The following TLN2 variants were observed in gnomAD, a reference collection of about 807,000 sequenced individuals.
TLN2 encodes talin 2, also known as talin-2.
Under a neutral mutation model 294.7 loss-of-function variants are expected in TLN2, and 118 were observed. The observed-to-expected ratio is 0.40, with a 90% confidence interval of 0.34 to 0.47. The LOEUF (loss-of-function observed/expected upper bound fraction) is 0.47. TLN2 is among the 20% of genes least tolerant of loss of function. The pLI, the probability that TLN2 is intolerant of heterozygous loss-of-function variation, is 0.84. For missense variants in TLN2, 3,083 were observed against 3,282.2 expected, an observed-to-expected ratio of 0.94 and a Z score of 1.48; for synonymous variants, 1,431 against 1,304.5, an observed-to-expected ratio of 1.10 and a Z score of -2.09.
At chr15:62,550,039 A>G (rs2042209866) in intron 1 of TLN2, among the ~76,000 whole-genome samples, 1 of 152,114 alleles carries the variant, frequency 6.6e-6, no homozygotes, top group African/African-American at 2.4e-5. Context: ...CTGGGGTAAG[A>G]ATTCAGGTAT....
chr15:62,570,618 A>G, intron 1 of TLN2, among the ~76,000 whole-genome samples: 1 of 151,958 alleles, frequency 6.6e-6, no homozygotes. Context: ...TGCTTAAGCT[A>G]GTGTTTCTCA....
At chr15:62,440,080 C>T (rs1008819422) in intron 1 of TLN2, among the ~76,000 whole-genome samples, 2 of 152,142 alleles carry the variant, frequency 1.3e-5, no homozygotes, top group African/African-American at 4.8e-5. Context: ...ACTCATTTTA[C>T]AGATGTTCAT....
At chr15:62,782,282 G>A (rs559514002) in intron 44 of TLN2, among the ~76,000 whole-genome samples, 4 of 152,244 alleles carry the variant, frequency 2.6e-5, no homozygotes, top group African/African-American at 7.2e-5. Flanking sequence ...AAAAGAATTC[G>A]GGCTGGGGAA....
At chr15:62,488,095 GA>G (rs891064514) in intron 1 of TLN2, among the ~76,000 whole-genome samples, 1 of 150,986 alleles carries the variant, frequency 6.6e-6, no homozygotes, top group Non-Finnish European at 1.5e-5. Flanking sequence ...GAAGAAAAGG[GA>G]AAAAAAAGAA....
In TLN2 at chr15:62,645,679, A is replaced by G. The variant is rs960153885; in HGVS notation, c.-36-1596A>G. Reference sequence around the variant, plus strand: ...CTGTTGTCCCCTCTGCCTTGTGGCCATCTTGTTGCCTCCTAGCACCTCCCT... The same window carrying G: ...CTGTTGTCCCCTCTGCCTTGTGGCCGTCTTGTTGCCTCCTAGCACCTCCCT... On this transcript the variant is annotated intron_variant, in intron 3 of 58. Transcript: ENST00000636159. Among the ~76,000 whole-genome samples, 5 of 152,260 alleles carry G rather than the reference A, an allele frequency of 3.3e-5. No homozygotes were observed. In the East Asian group the frequency reaches 9.7e-4, roughly 29 times the overall value.
intron 2 of TLN2, among the ~76,000 whole-genome samples, chr15:62,602,524 C>T (rs2047086141): frequency 1.3e-5 from 2 of 152,156 alleles, no homozygotes; most frequent in South Asian, 2.1e-4. Flanking sequence ...TCTCTTAGTC[C>T]ATTTGGGCTG....
At chr15:62,682,937 C>T (rs1013611396) in intron 11 of TLN2, 3 of 152,168 alleles carry the variant, frequency 2.0e-5, no homozygotes, top group East Asian at 1.9e-4. Flanking sequence ...AGAGGGCATT[C>T]GGAGCATCTC....
intron 48 of TLN2, among the ~76,000 whole-genome samples, chr15:62,797,955 T>C (rs959191018): frequency 6.6e-6 from 1 of 152,066 alleles, no homozygotes; most frequent in Non-Finnish European, 1.5e-5. Flanking sequence ...AGGACCACTT[T>C]ACCGTGCAAG....
At chr15:62,460,667 G>A (rs1240237270) in intron 1 of TLN2, among the ~76,000 whole-genome samples, 1 of 152,120 alleles carries the variant, frequency 6.6e-6, no homozygotes, top group African/African-American at 2.4e-5. Context: ...ATCTTTAGCT[G>A]GCTTTATTAA....
intron 1 of TLN2, among the ~76,000 whole-genome samples, chr15:62,540,225 A>G (rs1009844158): frequency 6.6e-6 from 1 of 152,158 alleles, no homozygotes; most frequent in Non-Finnish European, 1.5e-5. Flanking sequence ...CTGTAATCCC[A>G]GCTACTTGGG....
intron 9 of TLN2, among the ~76,000 whole-genome samples, chr15:62,662,047 G>C (rs913110477): frequency 6.6e-6 from 1 of 152,022 alleles, no homozygotes; most frequent in Non-Finnish European, 1.5e-5. Context: ...TGAATGATTA[G>C]TAGAACAAGA....
At chr15:62,616,718 G>A (rs2048342618) in intron 2 of TLN2, among the ~76,000 whole-genome samples, 1 of 152,238 alleles carries the variant, frequency 6.6e-6, no homozygotes. Context: ...TGGAGTCAGA[G>A]AGCCTTTGCT....
rs58363166 is a variant in TLN2 at position 62,502,575 on chromosome 15, G to T, written c.-237-87112G>T. On this transcript the variant is annotated intron_variant, in intron 1 of 58. Transcript: ENST00000636159. ...GGGTCTAAGTGGTGAGTTTCAGACAGAAATCATCTGTACTCTTGATTCCAA... is the reference window on the plus strand; with the variant it reads ...GGGTCTAAGTGGTGAGTTTCAGACATAAATCATCTGTACTCTTGATTCCAA... Among the ~76,000 whole-genome samples, 1,333 of 152,268 alleles carry T rather than the reference G, an allele frequency of 8.8e-3. 25 individuals are homozygous for T. The highest frequency in any genetic ancestry group is 0.029 in the African/African-American group (1,217 of 41,552).
rs755997641 is a variant in TLN2, at chr15:62,399,812, T to A, written c.-238+9127T>A. 1.6e-4 allele frequency among the ~76,000 whole-genome samples: 24 copies of A among 152,344 alleles called. No homozygotes were observed. The Middle Eastern group carries it at 0.014, about 86-fold the overall frequency. ...AGGAAGTAACTAACTTGCTTTTGAT[T>A]TTACAGGCTTATAGGTGAAAGGGAC... On this transcript the variant is annotated intron_variant, in intron 1 of 58. Transcript: ENST00000636159.
chr15:62,407,339 G>A (rs758478081), intron 1 of TLN2, among the ~76,000 whole-genome samples: 16 of 152,066 alleles, frequency 1.1e-4, no homozygotes, highest in Admixed American at 2.0e-4. Flanking sequence ...GTTTCTCCCC[G>A]TAATACCAGT....
intron 37 of TLN2, 81 bp downstream of exon 37, chr15:62,755,774 C>T: frequency 1.3e-6 from 2 of 1,534,272 alleles, no homozygotes; most frequent in East Asian, 2.3e-5. Context: ...TTAAGCTCCA[C>T]TCCTCTCCTT....
chr15:62,425,985 T>C (rs1174815858), intron 1 of TLN2, among the ~76,000 whole-genome samples: 1 of 152,250 alleles, frequency 6.6e-6, no homozygotes, highest in Non-Finnish European at 1.5e-5. Flanking sequence ...TAAGTCCCCT[T>C]GACCTGTTAA....
chr15:62,802,509 C>T (rs1024004939), intron 50 of TLN2, among the ~76,000 whole-genome samples: 4 of 152,088 alleles, frequency 2.6e-5, no homozygotes, highest in Non-Finnish European at 5.9e-5. Context: ...ATGATCTTGG[C>T]TATTGTGAAT....
At chr15:62,653,028 C>T (rs2052775991) in intron 6 of TLN2, 134 bp from the exon 7 acceptor site, 3 of 632,500 alleles carry the variant, frequency 4.7e-6, no homozygotes, top group Non-Finnish European at 7.6e-6. Context: ...GGCCACCTCC[C>T]TGACCCTCAT....
Sources: gnomAD v4.1 joint callset for allele counts (sites outside exome capture counted in the v4.1 genomes callset) on GRCh38, gnomAD v4.1.1 for gene constraint, MANE v1.5 for transcripts, NCBI Gene and HGNC (gene_info 2026-07-23, HGNC 2026-07-21) for gene names.